CEP128: variants seen among roughly 807,000 people sequenced by gnomAD.
CEP128 encodes the protein centrosomal protein 128, also known as centrosomal protein 128kDa.
A neutral mutation model predicts 156.7 loss-of-function variants in CEP128; 132 were observed. That is an observed-to-expected ratio of 0.84 (90% CI 0.73 to 0.97). The LOEUF (loss-of-function observed/expected upper bound fraction) is 0.97, where lower values mean the gene tolerates loss of function less well. Among genes scored for constraint, CEP128 ranks in the 50% least tolerant of loss-of-function variants. The pLI is 0.00. For missense variants in CEP128, 1,252 were observed against 1,281.9 expected (o/e 0.98, Z 0.36); for synonymous variants, 469 against 448.9 (o/e 1.04, Z -0.57).
chr14:80,725,217 T>C (rs555442241), intron 19 of CEP128, among the ~76,000 whole-genome samples: 1 of 151,036 alleles, frequency 6.6e-6, no homozygotes, highest in Non-Finnish European at 1.5e-5. Flanking sequence ...AGTTTCACTA[T>C]TGTCACCCAG....
chr14:80,873,625 T>C (rs761450240), intron 8 of CEP128, among the ~76,000 whole-genome samples: 1 of 152,100 alleles, frequency 6.6e-6, no homozygotes, highest in East Asian at 1.9e-4. Flanking sequence ...GGGACCTCAG[T>C]AGAATATTAA....
chr14:80,893,981 T>A (rs1480220437), intron 8 of CEP128, among the ~76,000 whole-genome samples: 1 of 151,972 alleles, frequency 6.6e-6, no homozygotes, highest in Non-Finnish European at 1.5e-5. Context: ...AATGTATTCC[T>A]CCTAATTCAT....
chr14:80,644,933 T>C (rs1021431247), intron 19 of CEP128, among the ~76,000 whole-genome samples: 1 of 152,158 alleles, frequency 6.6e-6, no homozygotes, highest in African/African-American at 2.4e-5. Context: ...TCCACTCTCA[T>C]GGAACAAATG....
intron 2 of CEP128, among the ~76,000 whole-genome samples, chr14:80,949,849 A>C (rs1886424818): frequency 6.6e-6 from 1 of 152,202 alleles, no homozygotes; most frequent in Non-Finnish European, 1.5e-5. Context: ...CATTTTCAGG[A>C]GAAAAATCAA....
chr14:80,612,324 T>C (rs1048661882), intron 19 of CEP128, among the ~76,000 whole-genome samples: 2 of 152,160 alleles, frequency 1.3e-5, no homozygotes, highest in South Asian at 2.1e-4. Context: ...TGAATGTAGA[T>C]AGATACACAA....
chr14:80,607,617 T>C (rs1892838541), intron 19 of CEP128, among the ~76,000 whole-genome samples: 1 of 152,114 alleles, frequency 6.6e-6, no homozygotes, highest in Non-Finnish European at 1.5e-5. Context: ...TTAACAAAGT[T>C]GGGCATAGTT....
chr14:80,867,666 C>CA (rs200004686), intron 8 of CEP128, among the ~76,000 whole-genome samples: 3,036 of 146,760 alleles, frequency 0.021, 103 homozygotes, highest in African/African-American at 0.067. Flanking sequence ...CTCAGAGAAA[C>CA]AAAAAAAACA....
chr14:80,741,548 T>C (rs750704151), intron 19 of CEP128, among the ~76,000 whole-genome samples: 3 of 152,114 alleles, frequency 2.0e-5, no homozygotes, highest in Non-Finnish European at 2.9e-5. Context: ...TCTATGAATA[T>C]AGCAGCACTC....
intron 19 of CEP128, among the ~76,000 whole-genome samples, chr14:80,674,661 G>T (rs547718204): frequency 6.6e-6 from 1 of 151,746 alleles, no homozygotes; most frequent in Non-Finnish European, 1.5e-5. Context: ...ATGTATATAT[G>T]TATGTATAAC....
chr14:80,512,919 G>A lies in CEP128; in HGVS notation c.3073-7899C>T, dbSNP rs79520027. Among the ~76,000 whole-genome samples the A allele has an allele frequency of 9.2e-5, 14 of 151,832 alleles. No individual in the cohort carries two copies. In the East Asian group the frequency reaches 1.7e-3, roughly 19 times the overall value. On this transcript the variant is annotated intron_variant, in intron 23 of 24. Transcript: ENST00000555265. ...TTTGTTGTCTCTATTTTTATCTTAC[G>A]CCATTTATGTCCTGAAAAGATGTAT...
At chr14:80,619,705 GT>G (rs1190483649) in intron 19 of CEP128, among the ~76,000 whole-genome samples, 1 of 100,276 alleles carries the variant, frequency 1.0e-5, no homozygotes. Context: ...TCTGTCTCAA[GT>G]TAAAAAAAAA....
chr14:80,500,409 A>G (rs1197288011), intron 24 of CEP128, among the ~76,000 whole-genome samples: 1 of 152,132 alleles, frequency 6.6e-6, no homozygotes, highest in Non-Finnish European at 1.5e-5. Context: ...TCCACTCCCT[A>G]TATCTCTATA....
chr14:80,645,178 C>T (rs761561093), intron 19 of CEP128, among the ~76,000 whole-genome samples: 12 of 152,132 alleles, frequency 7.9e-5, no homozygotes, highest in Non-Finnish European at 1.5e-4. Flanking sequence ...ATTTTACCCA[C>T]TATACAGTAA....
chr14:80,683,633 A>G (rs1896409614), intron 19 of CEP128, among the ~76,000 whole-genome samples: 1 of 152,224 alleles, frequency 6.6e-6, no homozygotes, highest in Admixed American at 6.5e-5. Context: ...AGACATCTAC[A>G]GAATAATACA....
intron 19 of CEP128, among the ~76,000 whole-genome samples, chr14:80,710,619 T>C (rs1048068296): frequency 1.3e-5 from 2 of 152,156 alleles, no homozygotes; most frequent in African/African-American, 4.8e-5. Context: ...AAGTGACTTA[T>C]AATTTAAAGT....
chr14:80,553,933 G>T (rs1594991942), intron 21 of CEP128, among the ~76,000 whole-genome samples: 1 of 152,162 alleles, frequency 6.6e-6, no homozygotes, highest in South Asian at 2.1e-4. Flanking sequence ...CACATCCTTT[G>T]TTCCTGGTCA....
chr14:80,705,086 C>T (rs896672538), intron 19 of CEP128, among the ~76,000 whole-genome samples: 2 of 151,170 alleles, frequency 1.3e-5, no homozygotes, highest in African/African-American at 4.8e-5. Context: ...AACTATAATG[C>T]CTTTATCCCA....
In CEP128 at chr14:80,732,782, C is replaced by G. The variant is rs184834878; in HGVS notation, c.2806+10293G>C. The stretch of plus-strand genomic sequence containing the variant: ...GAGTGTTCCTGCCTGGAAAAATAAT[C>G]TGTGTTGGACTTTAGCAGGCATATA... On this transcript the variant is annotated intron_variant, in intron 19 of 24. Coordinates refer to ENST00000555265, the MANE Select transcript of CEP128 (RefSeq NM_152446.5). Among the ~76,000 whole-genome samples the G allele has an allele frequency of 2.0e-4, 31 of 152,134 alleles. No homozygotes were observed. In the East Asian group the frequency reaches 4.3e-3, roughly 21 times the overall value.
exon 15 of CEP128, chr14:80,477,991 C>T (rs936490339): frequency 6.6e-6 from 1 of 152,082 alleles, no homozygotes; most frequent in African/African-American, 2.4e-5. Flanking sequence ...ATAGGACACT[C>T]AAAAGAAAAG....
Sources: gnomAD v4.1 joint callset for allele counts (sites outside exome capture counted in the v4.1 genomes callset) on GRCh38, gnomAD v4.1.1 for gene constraint, MANE v1.5 for transcripts, NCBI Gene and HGNC (gene_info 2026-07-23, HGNC 2026-07-21) for gene names.